ATG7: variants seen among roughly 807,000 people sequenced by gnomAD.
ATG7 encodes autophagy related 7.
A neutral mutation model predicts 82.4 loss-of-function variants in ATG7; 70 were observed. That is an observed-to-expected ratio of 0.85 (90% CI 0.70 to 1.04). The LOEUF (loss-of-function observed/expected upper bound fraction) is 1.04, where lower values mean the gene tolerates loss of function less well. Ranked by LOEUF, ATG7 falls within the 50% of genes least tolerant of loss-of-function variation. The pLI is 0.00. For missense variants in ATG7, 792 were observed against 864.3 expected, an observed-to-expected ratio of 0.92 and a Z score of 1.05; for synonymous variants, 287 against 313.0, an observed-to-expected ratio of 0.92 and a Z score of 0.88.
At chr3:11,364,337 C>G (rs756457310) in intron 17 of ATG7, among the ~76,000 whole-genome samples, 1 of 152,188 alleles carries the variant, frequency 6.6e-6, no homozygotes, top group African/African-American at 2.4e-5. Context: ...GAACATTGCA[C>G]TCGGCAGTTG....
intron 20 of ATG7, among the ~76,000 whole-genome samples, chr3:11,506,554 C>CAAAA (rs754696496): frequency 8.0e-5 from 2 of 24,952 alleles, no homozygotes; most frequent in South Asian, 1.9e-3. Flanking sequence ...CCCATCTCTA[C>CAAAA]AAAAAAAAAA....
chr3:11,486,840 T>TTGTTTTTTTTTTTTTTTTTTTTTTTTTTA (rs34461730), intron 20 of ATG7, among the ~76,000 whole-genome samples: 1 of 133,502 alleles, frequency 7.5e-6, no homozygotes, highest in Non-Finnish European at 1.6e-5. Context: ...TTTTTTTTTT[T>TTGTTTTTTTTTTTTTTTTTTTTTTTTTTA]AATTTATTTT....
At chr3:11,457,974 C>T (rs1246405102) in intron 20 of ATG7, among the ~76,000 whole-genome samples, 6 of 152,082 alleles carry the variant, frequency 3.9e-5, no homozygotes, top group African/African-American at 1.4e-4. Context: ...ATTTGATTTC[C>T]TAGTTTTTGG....
At chr3:11,511,208 T>G (rs2153075937) in intron 20 of ATG7, among the ~76,000 whole-genome samples, 1 of 152,294 alleles carries the variant, frequency 6.6e-6, no homozygotes, top group Non-Finnish European at 1.5e-5. Flanking sequence ...TCAGGCAGCC[T>G]GCTTTTATTC....
intron 20 of ATG7, among the ~76,000 whole-genome samples, chr3:11,437,132 CCT>C (rs1329571270): frequency 2.6e-5 from 4 of 151,656 alleles, no homozygotes; most frequent in African/African-American, 9.7e-5. Flanking sequence ...TTTCTCCTTC[CCT>C]CTCTCCTTTC....
chr3:11,317,049 C>T (rs576965732), intron 9 of ATG7, among the ~76,000 whole-genome samples: 5 of 152,088 alleles, frequency 3.3e-5, no homozygotes, highest in Admixed American at 1.3e-4. Context: ...ACCGTGTTAG[C>T]CAGGATGGTC....
intron 20 of ATG7, chr3:11,510,051 A>AG (rs1304654387): frequency 1.1e-4 from 38 of 341,308 alleles, no homozygotes; most frequent in East Asian, 8.5e-4. Flanking sequence ...CTCCAAGACT[A>AG]GGGAGATCCT....
intron 19 of ATG7, among the ~76,000 whole-genome samples, chr3:11,415,169 T>C (rs920513281): frequency 2.6e-5 from 4 of 152,228 alleles, no homozygotes; most frequent in Admixed American, 2.6e-4. Context: ...TGTATCTCAA[T>C]GTATCTCAAT....
intron 20 of ATG7, among the ~76,000 whole-genome samples, chr3:11,541,196 G>A (rs1020259194): frequency 1.3e-5 from 2 of 152,148 alleles, no homozygotes; most frequent in Non-Finnish European, 2.9e-5. Flanking sequence ...CATCGCGCCC[G>A]GCTGGTTTTA....
At chr3:11,456,652 G>A (rs1373220549) in intron 20 of ATG7, among the ~76,000 whole-genome samples, 1 of 152,072 alleles carries the variant, frequency 6.6e-6, no homozygotes, top group Non-Finnish European at 1.5e-5. Flanking sequence ...CTGAAAAGAA[G>A]CCTTATTTCT....
chr3:11,499,399 T>C (rs1312318932), intron 20 of ATG7, among the ~76,000 whole-genome samples: 1 of 152,146 alleles, frequency 6.6e-6, no homozygotes, highest in East Asian at 1.9e-4. Context: ...CACCTTGATC[T>C]AGTGGTTTGT....
intron 20 of ATG7, among the ~76,000 whole-genome samples, chr3:11,463,217 C>G (rs1576593849): frequency 6.6e-6 from 1 of 151,196 alleles, no homozygotes; most frequent in South Asian, 2.1e-4. Context: ...TGTCATACTC[C>G]CACTCTTTCC....
chr3:11,360,896 G>A, intron 16 of ATG7, 112 bp downstream of exon 16: 1 of 1,227,972 alleles, frequency 8.1e-7, no homozygotes, highest in Non-Finnish European at 1.1e-6. Flanking sequence ...TTTTAACAAA[G>A]AGAAGAATTC....
At chr3:11,290,618 A>C in intron 3 of ATG7, 1 of 315,250 alleles carries the variant, frequency 3.2e-6, no homozygotes, top group Non-Finnish European at 6.2e-6. Context: ...ACTTTATTTT[A>C]GGCTTCAGAC....
chr3:11,509,015 G>A (rs2091901412), intron 20 of ATG7, among the ~76,000 whole-genome samples: 1 of 152,234 alleles, frequency 6.6e-6, no homozygotes, highest in African/African-American at 2.4e-5. Context: ...GATCCCTTGA[G>A]CAAATGCCCT....
At chr3:11,386,984 A>G (rs2078367853) in intron 19 of ATG7, among the ~76,000 whole-genome samples, 2 of 152,226 alleles carry the variant, frequency 1.3e-5, no homozygotes, top group Non-Finnish European at 2.9e-5. Context: ...TCATCCATAC[A>G]GTGGGGAAAA....
chr3:11,376,626 G>T (rs2077434266), intron 18 of ATG7, among the ~76,000 whole-genome samples: 1 of 152,174 alleles, frequency 6.6e-6, no homozygotes, highest in African/African-American at 2.4e-5. Context: ...CTTAGCAGTT[G>T]TACAGAGTCT....
chr3:11,533,281 C>T (rs929761738), intron 20 of ATG7, among the ~76,000 whole-genome samples: 2 of 152,150 alleles, frequency 1.3e-5, no homozygotes, highest in African/African-American at 4.8e-5. Context: ...CTCAGCAAGA[C>T]CCATGCCAAC....
intron 18 of ATG7, among the ~76,000 whole-genome samples, chr3:11,375,716 C>T (rs1279079860): frequency 1.3e-5 from 2 of 152,202 alleles, no homozygotes; most frequent in Admixed American, 1.3e-4. Context: ...TGTACCACAA[C>T]ACCTGGCTAA....
Sources: gnomAD v4.1 joint callset for allele counts (sites outside exome capture counted in the v4.1 genomes callset) on GRCh38, gnomAD v4.1.1 for gene constraint, MANE v1.5 for transcripts, NCBI Gene and HGNC (gene_info 2026-07-23, HGNC 2026-07-21) for gene names.